KCTD1: variants seen among roughly 807,000 people sequenced by gnomAD.
KCTD1 encodes potassium channel tetramerization domain containing 1.
A neutral mutation model predicts 66.0 loss-of-function variants in KCTD1; 24 were observed. The ratio of observed to expected loss-of-function variants is 0.36; its 90% CI spans 0.26 to 0.51. KCTD1 has a LOEUF of 0.51. KCTD1 is among the 20% of genes least tolerant of loss of function. The probability of loss-of-function intolerance (pLI) is 0.95; values close to 1 mark genes in which losing one functional copy is unlikely to be tolerated. For synonymous variants in KCTD1, 511 were observed against 517.2 expected (o/e 0.99, Z 0.16); for missense variants, 943 against 1,205.2 (o/e 0.78, Z 3.22).
At chr18:26,469,924 A>AAAACAAAC (rs56839156) in intron 3 of KCTD1, among the ~76,000 whole-genome samples, 41 of 151,720 alleles carry the variant, frequency 2.7e-4, no homozygotes, top group African/African-American at 8.0e-4. Flanking sequence ...CCATCTCAAA[A>AAAACAAAC]AAACAAACAA....
In KCTD1 at chr18:26,546,738, G is replaced by A. The variant is rs932077598; in HGVS notation, c.1799C>T (p.Ser600Phe). 2 of 1,547,862 alleles carry A rather than the reference G, an allele frequency of 1.3e-6. No homozygotes were observed. Among genetic ancestry groups the A allele is most frequent in the African/African-American group, 1.4e-5 (1 of 72,930 alleles). ...SPTIVSPAIV[S>F]PTQDSRPNMS... ...GTTTGGTTTGGTTACCTGGGTGGGGGAAACAATAGCAGGTGAAACTATTGT... is the reference window on the plus strand; with the variant it reads ...GTTTGGTTTGGTTACCTGGGTGGGGAAAACAATAGCAGGTGAAACTATTGT... The change falls in exon 1 of 5, where the codon TCC becomes TTC. Residue 600 changes from serine (S) to phenylalanine (F), a missense_variant. Around this residue, in one of 10 missense-constraint regions of KCTD1, gnomAD observed 197 missense variants for 182.7 expected, o/e 1.08. Coordinates refer to ENST00000580059, the MANE Select transcript of KCTD1 (RefSeq NM_001142730.3).
chr18:26,567,049 G>A (rs1475487854), intron 1 of KCTD1: 1 of 152,080 alleles, frequency 6.6e-6, no homozygotes, highest in Non-Finnish European at 1.5e-5. Flanking sequence ...GGGAGCTAAG[G>A]AAGAAAGAAA....
chr18:26,511,811 T>C (rs927190476), intron 1 of KCTD1, among the ~76,000 whole-genome samples: 2 of 152,178 alleles, frequency 1.3e-5, no homozygotes, highest in Non-Finnish European at 1.5e-5. Flanking sequence ...TCACCCTGTC[T>C]GTGTTTGGGG....
At position 26,508,353 on chromosome 18, in the gene KCTD1, T is replaced by G. The variant is rs142309821; in HGVS notation, c.1810-7103A>C. Among the ~76,000 whole-genome samples the G allele has an allele frequency of 4.6e-5, 7 of 152,278 alleles. No individual in the cohort carries two copies. The East Asian group carries it at 9.6e-4, about 21-fold the overall frequency. Reference sequence around the variant, plus strand: ...CAAGGGATTTGACTTCAGGCATCTTTCAAAAGAAGAAGAAGAAAAATCTGC... The same window carrying G: ...CAAGGGATTTGACTTCAGGCATCTTGCAAAAGAAGAAGAAGAAAAATCTGC... On this transcript the variant is annotated intron_variant, in intron 1 of 4. Transcript: ENST00000580059.
At chr18:26,656,813 G>C (rs959191860) in intron 1 of KCTD1, among the ~76,000 whole-genome samples, 1 of 150,416 alleles carries the variant, frequency 6.6e-6, no homozygotes, top group African/African-American at 2.4e-5. Flanking sequence ...CCCCCGCGGC[G>C]CTGGGCGCTC....
In KCTD1 at chr18:26,555,412, T is replaced by A. The variant is rs146196735; in HGVS notation, c.-15-54162A>T. On this transcript the variant is annotated intron_variant, in intron 1 of 4. Transcript: ENST00000317932. Reference sequence around the variant, plus strand: ...TGCACTCCAGCCTGGGCAACAAGAGTGAAACTCCGTCTCAAAAATGAAAAT... The same window carrying A: ...TGCACTCCAGCCTGGGCAACAAGAGAGAAACTCCGTCTCAAAAATGAAAAT... Among the ~76,000 whole-genome samples, 96 of 152,110 alleles carry A rather than the reference T, an allele frequency of 6.3e-4. 1 individual carries two copies. The East Asian group carries it at 0.017, about 28-fold the overall frequency.
chr18:26,588,119 A>T (rs1399478463), intron 1 of KCTD1, among the ~76,000 whole-genome samples: 2 of 152,212 alleles, frequency 1.3e-5, no homozygotes, highest in Non-Finnish European at 2.9e-5. Flanking sequence ...GGCAAAATTC[A>T]TACTTGTCTC....
intron 1 of KCTD1, among the ~76,000 whole-genome samples, chr18:26,555,488 G>A (rs1199377598): frequency 3.3e-5 from 5 of 152,160 alleles, no homozygotes; most frequent in Admixed American, 6.5e-5. Context: ...ATTAGGCAAC[G>A]TCTTCAAAAG....
At chr18:26,596,828 A>T (rs1986776756) in intron 1 of KCTD1, among the ~76,000 whole-genome samples, 1 of 152,264 alleles carries the variant, frequency 6.6e-6, no homozygotes, top group Admixed American at 6.5e-5. Context: ...TGTCTTAAAC[A>T]TTCTTCTCTC....
chr18:26,517,272 T>C (rs963243792), intron 1 of KCTD1, among the ~76,000 whole-genome samples: 7 of 152,238 alleles, frequency 4.6e-5, no homozygotes, highest in African/African-American at 1.7e-4. Flanking sequence ...AGGGAACTGG[T>C]GGGAGATAAT....
intron 1 of KCTD1, among the ~76,000 whole-genome samples, chr18:26,597,854 G>A (rs1986804245): frequency 6.6e-6 from 1 of 151,980 alleles, no homozygotes; most frequent in Admixed American, 6.6e-5. Context: ...GGGTATCATC[G>A]TGTTAGCCAC....
intron 1 of KCTD1, among the ~76,000 whole-genome samples, chr18:26,511,494 C>T (rs761902493): frequency 4.0e-4 from 61 of 152,270 alleles, no homozygotes; most frequent in Non-Finnish European, 7.1e-4. Context: ...GCCCTGCACA[C>T]GCTGTTGTGG....
intron 1 of KCTD1, among the ~76,000 whole-genome samples, chr18:26,618,845 A>G (rs552960705): frequency 1.2e-4 from 19 of 152,236 alleles, no homozygotes; most frequent in Non-Finnish European, 2.2e-4. Context: ...CTATGCGTAG[A>G]TGAACTGCAT....
intron 2 of KCTD1, among the ~76,000 whole-genome samples, chr18:26,495,917 T>C (rs1025455813): frequency 7.2e-5 from 11 of 152,172 alleles, no homozygotes; most frequent in Non-Finnish European, 2.9e-5. Flanking sequence ...GCTATTAAGA[T>C]TGTTTTTGTT....
Position 26,465,612 on chromosome 18 carries a change from A to G in KCTD1, c.2134-5687T>C, listed in dbSNP as rs185842323. ...AGCAGTGTCCCGTCTACGCCCTGCC[A>G]CTGTCTCCACTCCCATCTTACAGAC... On this transcript the variant is annotated intron_variant, in intron 3 of 4. Transcript: ENST00000580059. Among the ~76,000 whole-genome samples the G allele has an allele frequency of 2.1e-3, 315 of 152,330 alleles. 2 individuals carry two copies. The highest frequency in any genetic ancestry group is 7.3e-3 in the African/African-American group (304 of 41,586).
intron 1 of KCTD1, among the ~76,000 whole-genome samples, chr18:26,507,035 A>T (rs985237455): frequency 6.6e-6 from 1 of 152,116 alleles, no homozygotes; most frequent in Non-Finnish European, 1.5e-5. Flanking sequence ...GTGTGGTGGC[A>T]GGTGCCTGTA....
At chr18:26,622,730 G>A (rs1027327449) in intron 1 of KCTD1, among the ~76,000 whole-genome samples, 2 of 152,140 alleles carry the variant, frequency 1.3e-5, no homozygotes, top group South Asian at 4.2e-4. Context: ...TCTGAAGCAG[G>A]AGCCTACCAG....
chr18:26,633,090 A>G (rs1473473512), upstream of KCTD1, among the ~76,000 whole-genome samples: 2 of 152,180 alleles, frequency 1.3e-5, no homozygotes, highest in Non-Finnish European at 2.9e-5. Flanking sequence ...GATATTATAA[A>G]GCTGTTATGA....
intron 1 of KCTD1, among the ~76,000 whole-genome samples, chr18:26,562,432 G>C (rs1303824597): frequency 6.8e-6 from 1 of 146,870 alleles, no homozygotes; most frequent in Non-Finnish European, 1.5e-5. Flanking sequence ...CCGGTGGGGG[G>C]TGGGGGGGTG....
Sources: allele counts gnomAD v4.1 joint callset (sites outside exome capture counted in the v4.1 genomes callset), GRCh38; gene constraint gnomAD v4.1.1; regional missense constraint gnomAD v4.1.1; transcripts MANE v1.5; gene names NCBI Gene and HGNC (gene_info 2026-07-23, HGNC 2026-07-21).